RAD51B: variants seen among roughly 807,000 people sequenced by gnomAD.
RAD51B encodes RAD51 paralog B, also known as DNA repair protein RAD51 homolog 2.
Under a neutral mutation model 42.2 loss-of-function variants are expected in RAD51B, and 38 were observed. The ratio of observed to expected loss-of-function variants is 0.90; its 90% CI spans 0.70 to 1.18. RAD51B has a LOEUF of 1.18. RAD51B is among the 50% of genes most tolerant of loss of function. The pLI is 0.00. For synonymous variants in RAD51B, 154 were observed against 145.2 expected, an observed-to-expected ratio of 1.06 and a Z score of -0.43; for missense variants, 373 against 400.7, an observed-to-expected ratio of 0.93 and a Z score of 0.59.
intron 10 of RAD51B, among the ~76,000 whole-genome samples, chr14:68,469,637 C>T (rs1284650195): frequency 6.6e-6 from 1 of 152,172 alleles, no homozygotes; most frequent in Non-Finnish European, 1.5e-5. Flanking sequence ...GGGTGTATAA[C>T]TAATAAGCAA....
intron 5 of RAD51B, among the ~76,000 whole-genome samples, chr14:67,866,848 G>A (rs1208913648): frequency 6.6e-6 from 1 of 152,164 alleles, no homozygotes; most frequent in African/African-American, 2.4e-5. Context: ...CAATGTGCAT[G>A]TTGGTATTTA....
chr14:68,673,603 G>A (rs977297948), intron 11 of RAD51B, among the ~76,000 whole-genome samples: 3 of 148,840 alleles, frequency 2.0e-5, no homozygotes, highest in African/African-American at 7.4e-5. Flanking sequence ...ATATGTACAT[G>A]CACACACACA....
chr14:68,005,725 A>G (rs998599950), intron 7 of RAD51B, among the ~76,000 whole-genome samples: 1 of 152,176 alleles, frequency 6.6e-6, no homozygotes, highest in African/African-American at 2.4e-5. Context: ...TATTTGTATA[A>G]TTTTGGTGAA....
Position 68,368,569 on chromosome 14 carries a change from T to G in RAD51B, c.854-42855T>G, listed in dbSNP as rs140338957. Among the ~76,000 whole-genome samples, 427 of 152,342 alleles carry G rather than the reference T, an allele frequency of 2.8e-3. 3 individuals are homozygous for G. The highest frequency in any genetic ancestry group is 9.8e-3 in the African/African-American group (407 of 41,580). On this transcript the variant is annotated intron_variant, in intron 8 of 10. Coordinates refer to ENST00000471583, the MANE Select transcript of RAD51B (RefSeq NM_133510.4). Reference sequence around the variant, plus strand: ...TCATCTTCCATTCAACTCCAGAAGGTCTATAGTGGCCGCTTGGACTGCTGT... The same window carrying G: ...TCATCTTCCATTCAACTCCAGAAGGGCTATAGTGGCCGCTTGGACTGCTGT...
At chr14:68,554,431 G>A (rs1888726337) in intron 10 of RAD51B, among the ~76,000 whole-genome samples, 4 of 152,074 alleles carry the variant, frequency 2.6e-5, no homozygotes, top group Non-Finnish European at 1.5e-5. Context: ...CCTGCCGGAG[G>A]TTTCCCTTGG....
chr14:68,100,297 A>G lies in RAD51B; in HGVS notation c.757-191587A>G, dbSNP rs934693356. ...TACTCATGTGCCTGTGGAACATGCA[A>G]AAACTCTGGCCTGTTGCACAGAGGT... is the stretch of plus-strand genomic sequence containing the variant. On this transcript the variant is annotated intron_variant, in intron 7 of 10. Transcript: ENST00000471583. Among the ~76,000 whole-genome samples the G allele has an allele frequency of 3.3e-5, 5 of 152,164 alleles. No homozygotes were observed. The East Asian group carries it at 5.8e-4, about 18-fold the overall frequency.
At chr14:67,835,276 A>G (rs2041197857) in intron 4 of RAD51B, 80 bp downstream of exon 4, 5 of 1,028,964 alleles carry the variant, frequency 4.9e-6, no homozygotes, top group African/African-American at 3.2e-5. Context: ...TAAAAAACAT[A>G]AATTATTTCT....
chr14:68,597,140 C>T (rs1891029538), downstream of RAD51B, among the ~76,000 whole-genome samples: 1 of 152,198 alleles, frequency 6.6e-6, no homozygotes, highest in South Asian at 2.1e-4. Flanking sequence ...GAATTTTTTA[C>T]TCCTCCTCTT....
At chr14:67,961,091 C>T (rs1273647535) in intron 7 of RAD51B, among the ~76,000 whole-genome samples, 2 of 152,142 alleles carry the variant, frequency 1.3e-5, no homozygotes, top group Non-Finnish European at 2.9e-5. Context: ...ACTGCAGCCT[C>T]GACTTCCTGG....
At chr14:68,453,662 C>T (rs8013944) in intron 9 of RAD51B, among the ~76,000 whole-genome samples, 34,114 of 151,770 alleles carry the variant, frequency 0.22, 4,026 homozygotes, top group African/African-American at 0.28. Context: ...GATGGTGAGT[C>T]TACAGCCCCT....
chr14:67,945,117 G>A lies in RAD51B; in HGVS notation c.756+57913G>A, dbSNP rs543675773. ...CTGTCTTCTAGATAAGAATCAGGAA[G>A]AGTAAGGAAAATCTGGCTATACTAT... On this transcript the variant is annotated intron_variant, in intron 7 of 10. Transcript: ENST00000471583. Among the ~76,000 whole-genome samples, 151 of 152,350 alleles carry A rather than the reference G, an allele frequency of 9.9e-4. 1 individual carries two copies. Among genetic ancestry groups the A allele is most frequent in the Admixed American group, 2.7e-3 (41 of 15,306 alleles).
At chr14:68,109,117 A>C (rs1375411411) in intron 7 of RAD51B, among the ~76,000 whole-genome samples, 1 of 151,960 alleles carries the variant, frequency 6.6e-6, no homozygotes, top group Non-Finnish European at 1.5e-5. Flanking sequence ...TATATCATTA[A>C]AAAATGTGTT....
At chr14:68,377,736 C>T (rs1213608084) in intron 8 of RAD51B, among the ~76,000 whole-genome samples, 1 of 152,226 alleles carries the variant, frequency 6.6e-6, no homozygotes, top group Admixed American at 6.5e-5. Flanking sequence ...AATCAAGCAG[C>T]CTGGGCTTGT....
intron 7 of RAD51B, among the ~76,000 whole-genome samples, chr14:67,985,695 C>T (rs971613130): frequency 1.3e-5 from 2 of 151,302 alleles, no homozygotes; most frequent in Non-Finnish European, 2.9e-5. Context: ...AGATCGCTTG[C>T]GTTCCAGACC....
At chr14:68,382,180 A>G (rs1300501847) in intron 8 of RAD51B, among the ~76,000 whole-genome samples, 2 of 152,216 alleles carry the variant, frequency 1.3e-5, no homozygotes, top group Non-Finnish European at 2.9e-5. Flanking sequence ...GTGCCAAATT[A>G]TTCTTGATTG....
At chr14:68,221,891 A>G (rs1167024805) in intron 7 of RAD51B, among the ~76,000 whole-genome samples, 1 of 152,250 alleles carries the variant, frequency 6.6e-6, no homozygotes, top group African/African-American at 2.4e-5. Flanking sequence ...ATGAATAGAC[A>G]ATTCTGAAAA....
intron 7 of RAD51B, among the ~76,000 whole-genome samples, chr14:68,160,097 T>TG (rs71129870): frequency 0.83 from 125,775 of 152,064 alleles, 52,222 homozygotes; most frequent in East Asian, 0.98. Context: ...CTGACAGACT[T>TG]CATGGTTAAA....
intron 7 of RAD51B, among the ~76,000 whole-genome samples, chr14:68,056,181 C>A (rs1021842810): frequency 6.6e-6 from 1 of 152,076 alleles, no homozygotes; most frequent in Non-Finnish European, 1.5e-5. Flanking sequence ...GTTTTTGAGA[C>A]AGGGTCTCGC....
chr14:68,057,493 G>A (rs1034336864), intron 7 of RAD51B, among the ~76,000 whole-genome samples: 1 of 152,030 alleles, frequency 6.6e-6, no homozygotes, highest in African/African-American at 2.4e-5. Flanking sequence ...GATATAGGAG[G>A]TAGGATTTGA....
Sources: allele counts gnomAD v4.1 joint callset (sites outside exome capture counted in the v4.1 genomes callset), GRCh38; gene constraint gnomAD v4.1.1; transcripts MANE v1.5; gene names NCBI Gene and HGNC (gene_info 2026-07-23, HGNC 2026-07-21).